The following ZNF320 variants were observed in gnomAD, a reference collection of about 807,000 sequenced individuals.
ZNF320 encodes the protein zinc finger protein 320.
In ZNF320, 2 loss-of-function variants were observed where a neutral mutation model predicts 6.8. The observed-to-expected ratio is 0.29, with a 90% confidence interval of 0.12 to 0.93. The LOEUF is 0.93. ZNF320 is among the 40% of genes least tolerant of loss of function. The pLI, the probability that ZNF320 is intolerant of heterozygous loss-of-function variation, is 0.55. For missense variants in ZNF320, 472 were observed against 611.0 expected, an observed-to-expected ratio of 0.77 and a Z score of 2.40; for synonymous variants, 208 against 203.2, an observed-to-expected ratio of 1.02 and a Z score of -0.20.
rs191636909 is a variant in ZNF320 at position 52,862,112 on chromosome 19, C to T, written c.*1917G>A. The T allele has an allele frequency of 7.5e-5, 28 of 373,292 alleles. No individual in the cohort carries two copies. The East Asian group carries it at 1.5e-3, about 20-fold the overall frequency. 23.1% of individuals were successfully genotyped at this position (373,292 alleles called of 1,614,324 possible). A position where few individuals can be genotyped will look rare whatever the true frequency, so the allele number is the denominator to read the frequency against. On this transcript the variant is annotated 3_prime_UTR_variant, in exon 6 of 6. Coordinates refer to the ZNF320 transcript ENST00000673631. ...ACACTTGTAAGATCTCTCTTCATTA[C>T]GGATTCTCCAATGATTTGCAACAGT... is the stretch of plus-strand genomic sequence containing the variant.
chr19:52,880,855 C>T lies in ZNF320; in HGVS notation c.1271G>A (p.Arg424His), dbSNP rs765248150. Reference sequence around the variant, plus strand: ...CCTATGTCTTTCAAGGTGTGATTTGCGAATGTAAACTTTGTCACATTCTTC... The same window carrying T: ...CCTATGTCTTTCAAGGTGTGATTTGTGAATGTAAACTTTGTCACATTCTTC... The part of the protein sequence containing the change: ...ECEECDKVYI[R>H]KSHLERHRRI... Residue 424 changes from arginine (R) to histidine (H), a missense_variant, in exon 6 of 6, where the codon CGC (arginine) becomes CAC (histidine). Arg to His is a conservative substitution (Grantham distance 29). Transcript: ENST00000682928. The T allele has an allele frequency of 9.3e-6, 15 of 1,613,890 alleles. No individual in the cohort carries two copies. Among genetic ancestry groups the T allele is most frequent in the East Asian group, 2.2e-5 (1 of 44,864 alleles).
chr19:52,889,182 C>CA (rs34698145), intron 4 of ZNF320, among the ~76,000 whole-genome samples: 48 of 133,866 alleles, frequency 3.6e-4, no homozygotes, highest in East Asian at 1.6e-3. Flanking sequence ...CACTCCGTCT[C>CA]AAAAAAAAAA....
rs112491605 is a variant in ZNF320, at chr19:52,863,210, A to G, written c.*819T>C. On this transcript the variant is annotated 3_prime_UTR_variant, in exon 6 of 6. Coordinates refer to the ZNF320 transcript ENST00000673631. ...CCTTACTGCAAAAAAATGAATATAT[A>G]ATACATAGAAGTATATGTATTTCTA... 5.8e-3 allele frequency among the ~76,000 whole-genome samples: 878 copies of G among 152,280 alleles called. 10 individuals carry two copies. The highest frequency in any genetic ancestry group is 0.017 in the African/African-American group (726 of 41,544).
chr19:52,892,820 G>A (rs898584349), intron 2 of ZNF320, among the ~76,000 whole-genome samples: 1 of 151,070 alleles, frequency 6.6e-6, no homozygotes, highest in Non-Finnish European at 1.5e-5. Context: ...TTCTCCCTCT[G>A]TTCTCCTTGC....
At chr19:52,888,365 C>G in intron 4 of ZNF320, 112 bp from the exon 5 acceptor site, 1 of 402,758 alleles carries the variant, frequency 2.5e-6, no homozygotes, top group Non-Finnish European at 4.2e-6. Context: ...AATGTTCCGA[C>G]AAATCCAAGT....
downstream of ZNF320, among the ~76,000 whole-genome samples, chr19:52,874,951 G>A (rs528605002): frequency 2.0e-5 from 3 of 152,248 alleles, no homozygotes; most frequent in South Asian, 6.2e-4. Context: ...CAGAGGGAGC[G>A]AGGAGGACAC....
rs1186682576 is a variant in ZNF320 at position 52,894,391 on chromosome 19, A to C, written c.-269-535T>G. Among the ~76,000 whole-genome samples, 5 of 139,358 alleles carry C rather than the reference A, an allele frequency of 3.6e-5. No individual in the cohort carries two copies. In the South Asian group the frequency reaches 7.5e-4, roughly 21 times the overall value. The allele number at this position is 139,358 out of a possible 152,430, so 91.4% of individuals were successfully genotyped here. Reference sequence around the variant, plus strand: ...AGAGCAAGACTGTCTCAAAAAAAAAAAAAAAACCAAAAAACAAAGAAAGAA... The same window carrying C: ...AGAGCAAGACTGTCTCAAAAAAAAACAAAAAACCAAAAAACAAAGAAAGAA... On this transcript the variant is annotated intron_variant, in intron 1 of 5. Transcript: ENST00000682928.
chr19:52,884,329 C>A (rs1336994980), intron 5 of ZNF320, among the ~76,000 whole-genome samples: 1 of 152,064 alleles, frequency 6.6e-6, no homozygotes, highest in South Asian at 2.1e-4. Context: ...ACTGATTCTC[C>A]CTCCTCAGCC....
At chr19:52,868,444 T>G (rs938469070) in intron 5 of ZNF320, among the ~76,000 whole-genome samples, 3 of 151,068 alleles carry the variant, frequency 2.0e-5, no homozygotes, top group African/African-American at 7.3e-5. Flanking sequence ...GGGCGGAGGT[T>G]GTGGTGAGCT....
At chr19:52,904,177 TG>T in the ZNF320 span, among the ~76,000 whole-genome samples, 1 of 152,358 alleles carries the variant, frequency 6.6e-6, no homozygotes, top group East Asian at 1.9e-4. Flanking sequence ...TAATCCTCCG[TG>T]GGGGCCTGCT....
chr19:52,901,199 T>G (rs1216569127), upstream of ZNF320, among the ~76,000 whole-genome samples: 1 of 152,180 alleles, frequency 6.6e-6, no homozygotes, highest in East Asian at 1.9e-4. Context: ...TACAAACAAA[T>G]TTCTTTTAGA....
chr19:52,876,049 C>T (rs1310991896), downstream of ZNF320: 1 of 152,254 alleles, frequency 6.6e-6, no homozygotes, highest in East Asian at 1.9e-4. Flanking sequence ...GGTTCCAGGC[C>T]AATCCTGTCC....
In ZNF320 at chr19:52,878,206, G is replaced by C. The variant is rs2063812469; in HGVS notation, c.*2390C>G. On this transcript the variant is annotated 3_prime_UTR_variant, in exon 6 of 6. Coordinates refer to ENST00000682928, the MANE Select transcript of ZNF320 (RefSeq NM_001351774.2). ...TGACAGTTGTACCTATAAAACTTAT[G>C]TGGATGGTCTGCCTGCCACTCTGTG... 1.1e-5 allele frequency: 2 copies of C among 175,294 alleles called. No individual in the cohort carries two copies. Among genetic ancestry groups the C allele is most frequent in the Admixed American group, 5.3e-5 (1 of 18,824 alleles). 10.9% of individuals were successfully genotyped at this position (175,294 alleles called of 1,614,324 possible).
downstream of ZNF320, among the ~76,000 whole-genome samples, chr19:52,872,119 A>G (rs973486947): frequency 6.6e-6 from 1 of 152,156 alleles, no homozygotes; most frequent in Admixed American, 6.5e-5. Flanking sequence ...CACGAATTTG[A>G]GGCTGCTGTA....
At chr19:52,902,283 C>T (rs780318869), upstream of ZNF320, among the ~76,000 whole-genome samples, 3 of 152,298 alleles carry the variant, frequency 2.0e-5, no homozygotes, top group East Asian at 1.9e-4. Context: ...GGGGCTGATC[C>T]GCAGGGACTT....
downstream of ZNF320, among the ~76,000 whole-genome samples, chr19:52,874,737 T>C (rs534136236): frequency 5.3e-5 from 8 of 152,036 alleles, no homozygotes; most frequent in Non-Finnish European, 1.0e-4. Flanking sequence ...GGTGGGGCTG[T>C]CATGTCATAT....
upstream of ZNF320, among the ~76,000 whole-genome samples, chr19:52,898,724 C>CGT (rs2147914071): frequency 6.6e-6 from 1 of 152,276 alleles, no homozygotes. Context: ...GCAGGCGGTA[C>CGT]GTGACAGGGG....
chr19:52,881,670 C>T lies in ZNF320; in HGVS notation c.456G>A (p.Arg152=), dbSNP rs2063925580. 1 of 1,613,874 alleles carries T rather than the reference C, an allele frequency of 6.2e-7. No homozygotes were observed. Among genetic ancestry groups the T allele is most frequent in the Non-Finnish European group, 8.5e-7 (1 of 1,179,916 alleles). Residue 152 remains arginine, a synonymous_variant, in exon 6 of 6, where the codon AGG becomes AGA. Transcript: ENST00000682928. Reference sequence around the variant, plus strand: ...AAGGTTTCTCTCCAGTATGAATTCTCCTATGTCTTCGCAAATGCAAATGAA... The same window carrying T: ...AAGGTTTCTCTCCAGTATGAATTCTTCTATGTCTTCGCAAATGCAAATGAA... The part of the protein sequence containing the change: ...SRFHLHLRRH[R]RIHTGEKPYK...
intron 2 of ZNF320, chr19:52,892,394 A>G (rs1488077599): frequency 6.6e-6 from 1 of 152,394 alleles, no homozygotes; most frequent in Non-Finnish European, 1.5e-5. Flanking sequence ...AACAAACAAA[A>G]AAAGAAAATA....
Sources: allele counts gnomAD v4.1 joint callset (sites outside exome capture counted in the v4.1 genomes callset), GRCh38; gene constraint gnomAD v4.1.1; transcripts MANE v1.5; gene names NCBI Gene and HGNC (gene_info 2026-07-23, HGNC 2026-07-21).